Variants in ARSB observed in about 807,000 individuals in gnomAD.
The protein encoded by ARSB is arylsulfatase B, also known as N-acetylgalactosamine-4-sulfatase.
In ARSB, 41 loss-of-function variants were observed where a neutral mutation model predicts 50.9. That is an observed-to-expected ratio of 0.81 (90% CI 0.63 to 1.04). The LOEUF (loss-of-function observed/expected upper bound fraction) is 1.04. Ranked by LOEUF, ARSB falls within the 50% of genes least tolerant of loss-of-function variation. The pLI is 0.00. For synonymous variants in ARSB, 269 were observed against 284.8 expected, an observed-to-expected ratio of 0.94 and a Z score of 0.56; for missense variants, 672 against 693.3, an observed-to-expected ratio of 0.97 and a Z score of 0.35.
intron 4 of ARSB, among the ~76,000 whole-genome samples, chr5:78,924,117 G>A (rs1162961756): frequency 6.6e-6 from 1 of 152,180 alleles, no homozygotes; most frequent in African/African-American, 2.4e-5. Context: ...CAAAAGCCCA[G>A]ATAGTGATGA....
At chr5:78,925,019 C>T (rs1052863687) in intron 4 of ARSB, among the ~76,000 whole-genome samples, 2 of 152,158 alleles carry the variant, frequency 1.3e-5, no homozygotes, top group Non-Finnish European at 2.9e-5. Context: ...AGAAAATACA[C>T]CTTGGCTGAC....
intron 6 of ARSB, chr5:78,817,109 G>A (rs897043007): frequency 5.1e-6 from 5 of 985,242 alleles, no homozygotes; most frequent in Admixed American, 1.2e-4. Flanking sequence ...CTTGTCTTCC[G>A]GACTTCAGTT....
intron 5 of ARSB, among the ~76,000 whole-genome samples, chr5:78,876,889 GA>G (rs1334759229): frequency 6.6e-6 from 1 of 152,130 alleles, no homozygotes; most frequent in Non-Finnish European, 1.5e-5. Flanking sequence ...ATAGGAGTGC[GA>G]ATCCTACTGT....
At chr5:78,819,038 C>T (rs1033708048) in intron 6 of ARSB, among the ~76,000 whole-genome samples, 1 of 152,178 alleles carries the variant, frequency 6.6e-6, no homozygotes, top group Non-Finnish European at 1.5e-5. Context: ...AGTTTAATTT[C>T]TGCATGGAGT....
Position 78,863,539 on chromosome 5 carries a change from T to C in ARSB, c.1142+22045A>G, listed in dbSNP as rs909855613. Among the ~76,000 whole-genome samples the C allele has an allele frequency of 9.1e-5, 12 of 131,224 alleles. No individual in the cohort carries two copies. In the East Asian group the frequency reaches 2.6e-3, roughly 29 times the overall value. 86.1% of individuals were successfully genotyped at this position (131,224 alleles called of 152,430 possible). A position where few individuals can be genotyped will look rare whatever the true frequency, so the allele number is the denominator to read the frequency against. On this transcript the variant is annotated intron_variant, in intron 5 of 7. Transcript: ENST00000264914. ...ACCAAACACTGCATGTTCTCACTCA[T>C]AGGTGGGAATTGAACAATGAGGACA...
chr5:78,809,855 T>C (rs1053885752), intron 6 of ARSB, among the ~76,000 whole-genome samples: 22 of 152,222 alleles, frequency 1.4e-4, no homozygotes, highest in Admixed American at 1.3e-4. Flanking sequence ...ACAGGCCCAT[T>C]GCTTTGGCCC....
At chr5:78,852,304 C>T (rs1745844703) in intron 5 of ARSB, among the ~76,000 whole-genome samples, 1 of 152,012 alleles carries the variant, frequency 6.6e-6, no homozygotes. Flanking sequence ...TTTATTTCTC[C>T]TTCACTTATG....
intron 5 of ARSB, among the ~76,000 whole-genome samples, chr5:78,878,402 G>A (rs1747586717): frequency 6.6e-6 from 1 of 152,158 alleles, no homozygotes; most frequent in African/African-American, 2.4e-5. Flanking sequence ...CATGAGAACA[G>A]ATAAGTCAGT....
chr5:78,865,110 A>AGGGTGTGTCCTAGTAG (rs56143814), intron 5 of ARSB, among the ~76,000 whole-genome samples: 2 of 151,838 alleles, frequency 1.3e-5, no homozygotes, highest in Non-Finnish European at 2.9e-5. Flanking sequence ...CAGCTCCACT[A>AGGGTGTGTCCTAGTAG]GGACTCCGTA....
In ARSB at chr5:78,930,089, A is replaced by G. The variant is rs147576025; in HGVS notation, c.898+25206T>C. Reference sequence around the variant, plus strand: ...TTATTTGCAGCCCTGAGTTTTCCTTAGGCCCCACTACTCAGCCTGCTCTAT... The same window carrying G: ...TTATTTGCAGCCCTGAGTTTTCCTTGGGCCCCACTACTCAGCCTGCTCTAT... On this transcript the variant is annotated intron_variant, in intron 4 of 7. Coordinates refer to ENST00000264914, the MANE Select transcript of ARSB (RefSeq NM_000046.5). Among the ~76,000 whole-genome samples, 16 of 152,200 alleles carry G rather than the reference A, an allele frequency of 1.1e-4. No homozygotes were observed. The East Asian group carries it at 2.9e-3, about 28-fold the overall frequency.
intron 4 of ARSB, among the ~76,000 whole-genome samples, chr5:78,947,274 C>T (rs1459833541): frequency 6.6e-6 from 1 of 151,984 alleles, no homozygotes; most frequent in Non-Finnish European, 1.5e-5. Flanking sequence ...CAAAAATGGA[C>T]AAATAGGATT....
In ARSB at chr5:78,980,989, C is replaced by T. The variant is rs1437409444; in HGVS notation, c.312+3948G>A. Among the ~76,000 whole-genome samples the T allele has an allele frequency of 3.8e-3, 14 of 3,652 alleles. 6 individuals are homozygous for T. Among genetic ancestry groups the T allele is most frequent in the African/African-American group, 0.02 (4 of 202 alleles). The allele number at this position is 3,652 out of a possible 152,430, so 2.4% of individuals were successfully genotyped here. ...TTTTTGAGACGGAGTCTCGCTCTGTCGCCCAGGCTGGAGTGCAGTGGCGCA... is the reference window on the plus strand; with the variant it reads ...TTTTTGAGACGGAGTCTCGCTCTGTTGCCCAGGCTGGAGTGCAGTGGCGCA... On this transcript the variant is annotated intron_variant, in intron 1 of 7. Transcript: ENST00000264914.
At chr5:78,928,292 C>T (rs114222813) in intron 4 of ARSB, among the ~76,000 whole-genome samples, 2,371 of 142,688 alleles carry the variant, frequency 0.017, 43 homozygotes, top group Non-Finnish European at 0.026. Context: ...ACTGTGATTG[C>T]CATTTGCTTT....
chr5:78,855,745 G>A (rs548386667), intron 5 of ARSB, among the ~76,000 whole-genome samples: 1 of 152,302 alleles, frequency 6.6e-6, no homozygotes, highest in African/African-American at 2.4e-5. Context: ...CCAGTGCTCA[G>A]GTCTGTAGGT....
In ARSB at chr5:78,955,522, A is replaced by C; in HGVS notation, c.691-20T>G. Reference sequence around the variant, plus strand: ...CAGAGGCTGGAAAGAAAGTTTGTGCAAACCAGTTAAGAGGATATTGAAGCA... The same window carrying C: ...CAGAGGCTGGAAAGAAAGTTTGTGCCAACCAGTTAAGAGGATATTGAAGCA... On this transcript the variant is annotated intron_variant, in intron 3 of 7. Transcript: ENST00000264914. 6.2e-7 allele frequency: 1 copy of C among 1,600,704 alleles called. No homozygotes were observed. Among genetic ancestry groups the C allele is most frequent in the Non-Finnish European group, 8.6e-7 (1 of 1,168,138 alleles).
chr5:78,954,114 A>C (rs544019750), intron 4 of ARSB, among the ~76,000 whole-genome samples: 1 of 152,220 alleles, frequency 6.6e-6, no homozygotes, highest in South Asian at 2.1e-4. Context: ...GAAAAAAAAA[A>C]CTAGGAAAAA....
At chr5:78,949,935 A>G (rs1751427523) in intron 4 of ARSB, among the ~76,000 whole-genome samples, 1 of 152,146 alleles carries the variant, frequency 6.6e-6, no homozygotes, top group Non-Finnish European at 1.5e-5. Flanking sequence ...AACAAAAAAA[A>G]GAGTTAATAT....
intron 4 of ARSB, among the ~76,000 whole-genome samples, chr5:78,913,342 T>C (rs1247229102): frequency 2.6e-5 from 4 of 152,108 alleles, no homozygotes; most frequent in African/African-American, 9.7e-5. Context: ...GCCAGGATGG[T>C]CTCGATCTCC....
At chr5:78,984,824 G>A (rs969074734) in intron 1 of ARSB, 113 bp downstream of exon 1, 71 of 860,020 alleles carry the variant, frequency 8.3e-5, no homozygotes, top group Non-Finnish European at 9.8e-5. Flanking sequence ...TAACTGGGTC[G>A]GCGGTCCGAG....
Sources: allele counts gnomAD v4.1 joint callset (sites outside exome capture counted in the v4.1 genomes callset), GRCh38; gene constraint gnomAD v4.1.1; transcripts MANE v1.5; gene names NCBI Gene and HGNC (gene_info 2026-07-23, HGNC 2026-07-21).